The following SLIT3 variants were observed in gnomAD, a reference collection of about 807,000 sequenced individuals.
The protein encoded by SLIT3 is slit guidance ligand 3.
A neutral mutation model predicts 184.0 loss-of-function variants in SLIT3; 68 were observed. That is an observed-to-expected ratio of 0.37 (90% CI 0.30 to 0.45). SLIT3 has a LOEUF of 0.45. SLIT3 is among the 20% of genes least tolerant of loss of function. The probability of loss-of-function intolerance (pLI) is 1.00; values close to 1 mark genes in which losing one functional copy is unlikely to be tolerated. For missense variants in SLIT3, 1,707 were observed against 2,026.0 expected (o/e 0.84, Z 3.02); for synonymous variants, 831 against 828.6 (o/e 1.00, Z -0.05).
intron 1 of SLIT3, among the ~76,000 whole-genome samples, chr5:169,255,044 A>G (rs978199045): frequency 2.0e-5 from 3 of 152,226 alleles, no homozygotes; most frequent in African/African-American, 4.8e-5. Context: ...TAGTGACATC[A>G]TAACACAACA....
chr5:168,873,431 A>G (rs2113770939), intron 5 of SLIT3, among the ~76,000 whole-genome samples: 1 of 151,454 alleles, frequency 6.6e-6, no homozygotes, highest in African/African-American at 2.4e-5. Flanking sequence ...GTAGTTCAAG[A>G]CCAGCCTGGG....
At chr5:169,176,981 T>A (rs1763006983) in intron 4 of SLIT3, among the ~76,000 whole-genome samples, 1 of 151,986 alleles carries the variant, frequency 6.6e-6, no homozygotes, top group East Asian at 1.9e-4. Context: ...GAACTGGAGG[T>A]TTAGATTTAT....
chr5:169,167,603 C>T (rs527763869), intron 4 of SLIT3, among the ~76,000 whole-genome samples: 144 of 152,198 alleles, frequency 9.5e-4, no homozygotes, highest in South Asian at 7.5e-3. Flanking sequence ...AATAATTCAC[C>T]TAATCCTCAC....
chr5:168,820,725 C>T (rs575750329), intron 7 of SLIT3, among the ~76,000 whole-genome samples: 1 of 152,290 alleles, frequency 6.6e-6, no homozygotes, highest in Admixed American at 6.5e-5. Flanking sequence ...GTTGATGAAA[C>T]CACCTCTACA....
chr5:169,074,519 AAC>A (rs1206431506), intron 4 of SLIT3, among the ~76,000 whole-genome samples: 2 of 152,206 alleles, frequency 1.3e-5, no homozygotes, highest in Non-Finnish European at 2.9e-5. Flanking sequence ...GTATTCCTAA[AAC>A]ACATCCTATG....
At chr5:168,725,707 G>T (rs1263121705) in intron 20 of SLIT3, among the ~76,000 whole-genome samples, 1 of 152,212 alleles carries the variant, frequency 6.6e-6, no homozygotes, top group Admixed American at 6.5e-5. Flanking sequence ...TGGAGAATCT[G>T]CATTTCTAAT....
At chr5:168,924,279 G>T (rs1487537806) in intron 4 of SLIT3, among the ~76,000 whole-genome samples, 5 of 152,108 alleles carry the variant, frequency 3.3e-5, no homozygotes, top group Non-Finnish European at 5.9e-5. Flanking sequence ...AGACTTTTGG[G>T]ATCCAGGGCA....
At chr5:169,046,767 T>G (rs540473737) in intron 4 of SLIT3, among the ~76,000 whole-genome samples, 37 of 152,168 alleles carry the variant, frequency 2.4e-4, no homozygotes, top group Non-Finnish European at 4.0e-4. Flanking sequence ...ATGAGCCCCA[T>G]GTGTGTAAAA....
chr5:168,822,850 C>T (rs953786793), intron 7 of SLIT3, among the ~76,000 whole-genome samples: 3 of 152,150 alleles, frequency 2.0e-5, no homozygotes, highest in African/African-American at 7.2e-5. Context: ...ACCATTGCAA[C>T]CACTGGCAAT....
At chr5:168,967,435 A>ATTTTTTTTTTTTT (rs556216624) in intron 4 of SLIT3, among the ~76,000 whole-genome samples, 5 of 30,758 alleles carry the variant, frequency 1.6e-4, no homozygotes, top group Non-Finnish European at 2.5e-4. Flanking sequence ...GCCATCTCAA[A>ATTTTTTTTTTTTT]TCTTTTTTTT....
intron 16 of SLIT3, among the ~76,000 whole-genome samples, chr5:168,760,051 C>T (rs986793934): frequency 6.6e-6 from 1 of 152,168 alleles, no homozygotes; most frequent in Non-Finnish European, 1.5e-5. Context: ...AATGCCAGCT[C>T]GGGGACCCAT....
At chr5:168,980,840 C>T (rs979523866) in intron 4 of SLIT3, among the ~76,000 whole-genome samples, 3 of 152,110 alleles carry the variant, frequency 2.0e-5, no homozygotes, top group African/African-American at 7.2e-5. Flanking sequence ...ATTAAAGACA[C>T]TAGGGTAGAA....
At chr5:169,055,348 A>C (rs1244628259) in intron 4 of SLIT3, among the ~76,000 whole-genome samples, 1 of 152,246 alleles carries the variant, frequency 6.6e-6, no homozygotes. Context: ...AATACAACAG[A>C]GAATGACTGG....
intron 4 of SLIT3, among the ~76,000 whole-genome samples, chr5:168,957,398 C>A (rs1367093432): frequency 6.6e-6 from 1 of 152,122 alleles, no homozygotes; most frequent in East Asian, 1.9e-4. Flanking sequence ...GACCTTGGAA[C>A]TGGCTGTGAA....
At chr5:168,686,488 A>G (rs1761748441) in intron 30 of SLIT3, among the ~76,000 whole-genome samples, 2 of 152,370 alleles carry the variant, frequency 1.3e-5, no homozygotes, top group African/African-American at 4.8e-5. Context: ...CCAACAAAGG[A>G]CAAATGCTGT....
intron 5 of SLIT3, among the ~76,000 whole-genome samples, chr5:168,855,943 C>G (rs923070794): frequency 1.3e-5 from 2 of 152,020 alleles, no homozygotes; most frequent in South Asian, 2.1e-4. Context: ...CCCATCTCTA[C>G]TAAAAATATA....
chr5:168,722,891 A>G (rs755488156), intron 22 of SLIT3, 42 bp downstream of exon 22: 2 of 1,464,948 alleles, frequency 1.4e-6, no homozygotes, highest in South Asian at 2.3e-5. Context: ...ATCTACTGCT[A>G]GGCCCAAGGG....
At chr5:168,973,172 C>T (rs1754637478) in intron 4 of SLIT3, among the ~76,000 whole-genome samples, 1 of 152,206 alleles carries the variant, frequency 6.6e-6, no homozygotes, top group Non-Finnish European at 1.5e-5. Flanking sequence ...TAACTGCTGG[C>T]TTCTGACCCA....
At chr5:169,107,159 T>C (rs1172140267) in intron 4 of SLIT3, among the ~76,000 whole-genome samples, 1 of 152,234 alleles carries the variant, frequency 6.6e-6, no homozygotes, top group Non-Finnish European at 1.5e-5. Context: ...CCCATATGGC[T>C]GGACCCTGCT....
Sources: gnomAD v4.1 joint callset for allele counts (sites outside exome capture counted in the v4.1 genomes callset) on GRCh38, gnomAD v4.1.1 for gene constraint, MANE v1.5 for transcripts, NCBI Gene and HGNC (gene_info 2026-07-23, HGNC 2026-07-21) for gene names.